Variants in SYT6 observed in about 807,000 individuals in gnomAD.
The protein encoded by SYT6 is synaptotagmin-6.
Under a neutral mutation model 38.4 loss-of-function variants are expected in SYT6, and 24 were observed. That is an observed-to-expected ratio of 0.62 (90% CI 0.45 to 0.88). The LOEUF is 0.88. Among genes scored for constraint, SYT6 ranks in the 40% least tolerant of loss-of-function variants. The pLI, the probability that SYT6 is intolerant of heterozygous loss-of-function variation, is 0.00. For synonymous variants in SYT6, 265 were observed against 241.9 expected (o/e 1.10, Z -0.89); for missense variants, 611 against 621.0 (o/e 0.98, Z 0.17).
At position 114,153,702 on chromosome 1, in the gene SYT6, C is replaced by A. The variant is rs1679565638; in HGVS notation, c.71G>T (p.Arg24Leu). The change falls in exon 1 of 8, where the codon CGG becomes CTG. Residue 24 changes from arginine to leucine, a missense_variant. By Grantham distance (102) the Arg-to-Leu change is moderately radical. Transcript: ENST00000610222. The stretch of plus-strand genomic sequence containing the variant: ...CAGCCCGAGAGGGGGCGGCCGGGCC[C>A]GGCACAGCGAGGCGAGGACCGCGAG... ...EALAVLASLC[R>L]ARPPPLGLDV... 1.5e-6 allele frequency: 1 copy of A among 678,192 alleles called. No individual in the cohort carries two copies. The highest frequency in any genetic ancestry group is 2.7e-6 in the Non-Finnish European group (1 of 371,902). 42.0% of individuals were successfully genotyped at this position (678,192 alleles called of 1,614,324 possible).
intron 5 of SYT6, among the ~76,000 whole-genome samples, chr1:114,098,373 T>C (rs1301703473): frequency 6.6e-6 from 1 of 152,224 alleles, no homozygotes; most frequent in Non-Finnish European, 1.5e-5. Flanking sequence ...GTATTGAGGC[T>C]TTATTGCATG....
rs1258854282 is a variant in SYT6 at position 114,153,659 on chromosome 1, C to T, written c.114G>A (p.Arg38=). The T allele has an allele frequency of 1.5e-6, 1 of 661,802 alleles. No homozygotes were observed. Among genetic ancestry groups the T allele is most frequent in the Non-Finnish European group, 2.8e-6 (1 of 363,188 alleles). The allele number at this position is 661,802 out of a possible 1,614,324, so 41.0% of individuals were successfully genotyped here. Residue 38 remains arginine (R), a synonymous_variant, in exon 1 of 8, where the codon CGG becomes CGA. Coordinates refer to ENST00000610222, the MANE Select transcript of SYT6 (RefSeq NM_001253772.2). ...PPLGLDVETC[R]SFELQPPERS... ...GCTCTGGGGGCTGCAGCTCGAAGCT[C>T]CGACAAGTCTCCACGTCCAGCCCGA...
intron 4 of SYT6, among the ~76,000 whole-genome samples, chr1:114,100,806 A>G (rs1039686676): frequency 2.0e-5 from 3 of 152,188 alleles, no homozygotes; most frequent in Non-Finnish European, 4.4e-5. Context: ...GCTAGCCCCA[A>G]TACCTGTCTT....
At chr1:114,113,109 C>A (rs1230230966) in intron 3 of SYT6, among the ~76,000 whole-genome samples, 3 of 152,182 alleles carry the variant, frequency 2.0e-5, no homozygotes, top group East Asian at 3.9e-4. Context: ...GGGACAGTCA[C>A]CCTGAAGATT....
chr1:114,132,059 G>A (rs1678190485), intron 3 of SYT6, among the ~76,000 whole-genome samples: 1 of 152,248 alleles, frequency 6.6e-6, no homozygotes, highest in Admixed American at 6.5e-5. Context: ...CAATGGGTAA[G>A]TCACCTAACC....
intron 3 of SYT6, among the ~76,000 whole-genome samples, chr1:114,110,192 C>T (rs187642731): frequency 1.3e-4 from 20 of 152,322 alleles, no homozygotes; most frequent in African/African-American, 4.6e-4. Flanking sequence ...AACCCAGACA[C>T]CCACACCAGA....
intron 3 of SYT6, among the ~76,000 whole-genome samples, chr1:114,122,749 T>C (rs1345559492): frequency 1.3e-5 from 2 of 152,186 alleles, no homozygotes; most frequent in Admixed American, 6.5e-5. Context: ...TAGGATTCAC[T>C]AAAAACGCCC....
At chr1:114,127,737 G>A (rs543731011) in intron 3 of SYT6, among the ~76,000 whole-genome samples, 1 of 152,340 alleles carries the variant, frequency 6.6e-6, no homozygotes, top group East Asian at 1.9e-4. Flanking sequence ...CAAAGGAGAG[G>A]TCCCACCCAT....
At chr1:114,108,740 G>A (rs1020637880) in intron 3 of SYT6, among the ~76,000 whole-genome samples, 1 of 152,140 alleles carries the variant, frequency 6.6e-6, no homozygotes, top group Non-Finnish European at 1.5e-5. Context: ...CTTCTCCAAG[G>A]CCAGTCATGT....
At position 114,132,189 on chromosome 1, in the gene SYT6, A is replaced by G. The variant is rs540794975; in HGVS notation, c.1071+5306T>C. 3.9e-3 allele frequency among the ~76,000 whole-genome samples: 596 copies of G among 152,362 alleles called. 5 individuals carry two copies. The highest frequency in any genetic ancestry group is 0.014 in the African/African-American group (572 of 41,578). ...AGCAGGAGCTCAATAAGTAATGACC[A>G]GCGCATCCCAGTAAATGGGGATCAG... On this transcript the variant is annotated intron_variant, in intron 3 of 7. Coordinates refer to ENST00000610222, the MANE Select transcript of SYT6 (RefSeq NM_001253772.2).
At chr1:114,121,147 T>C (rs781515718) in intron 3 of SYT6, among the ~76,000 whole-genome samples, 2 of 152,212 alleles carry the variant, frequency 1.3e-5, no homozygotes, top group African/African-American at 2.4e-5. Context: ...AACCTCATCA[T>C]CTGAGAAGAC....
intron 5 of SYT6, among the ~76,000 whole-genome samples, chr1:114,098,323 T>C (rs1193080764): frequency 6.6e-6 from 1 of 152,244 alleles, no homozygotes; most frequent in African/African-American, 2.4e-5. Context: ...CTTAAGTATG[T>C]TCGTCAATAC....
At chr1:114,114,345 C>T (rs776071338) in intron 3 of SYT6, among the ~76,000 whole-genome samples, 1 of 152,196 alleles carries the variant, frequency 6.6e-6, no homozygotes, top group African/African-American at 2.4e-5. Context: ...GTACTGAGCA[C>T]GGTGCCTGGT....
intron 3 of SYT6, among the ~76,000 whole-genome samples, chr1:114,129,661 C>CTCTTTCTTTCTT (rs1678020120): frequency 1.1e-5 from 1 of 91,702 alleles, no homozygotes; most frequent in African/African-American, 4.8e-5. Context: ...CTTTTTCTTT[C>CTCTTTCTTTCTT]TTTCTTTCTT....
intron 3 of SYT6, among the ~76,000 whole-genome samples, chr1:114,106,346 G>A (rs1230502668): frequency 1.3e-5 from 2 of 152,230 alleles, no homozygotes; most frequent in South Asian, 2.1e-4. Flanking sequence ...CTGCGAGGTA[G>A]GTGCTCTCTC....
intron 3 of SYT6, among the ~76,000 whole-genome samples, chr1:114,127,769 A>C (rs1677830097): frequency 6.6e-6 from 1 of 152,242 alleles, no homozygotes; most frequent in Non-Finnish European, 1.5e-5. Context: ...CAGGAGTGGA[A>C]GGAATAAACT....
At chr1:114,104,513 C>T (rs1676162029) in intron 3 of SYT6, among the ~76,000 whole-genome samples, 1 of 152,156 alleles carries the variant, frequency 6.6e-6, no homozygotes, top group Admixed American at 6.5e-5. Flanking sequence ...GTTGCTTCCT[C>T]CATTTGATGA....
chr1:114,119,706 CA>C (rs914289245), intron 3 of SYT6, among the ~76,000 whole-genome samples: 2 of 152,156 alleles, frequency 1.3e-5, no homozygotes, highest in Admixed American at 1.3e-4. Context: ...ATTGTTCACC[CA>C]ATGCTTCTGG....
chr1:114,123,943 C>T (rs1255804183), intron 3 of SYT6, among the ~76,000 whole-genome samples: 3 of 152,330 alleles, frequency 2.0e-5, no homozygotes, highest in East Asian at 3.9e-4. Context: ...ACCTCTAACA[C>T]TCTGTCTCTT....
Sources: gnomAD v4.1 joint callset for allele counts (sites outside exome capture counted in the v4.1 genomes callset) on GRCh38, gnomAD v4.1.1 for gene constraint, MANE v1.5 for transcripts, NCBI Gene and HGNC (gene_info 2026-07-23, HGNC 2026-07-21) for gene names.